The following CSMD1 variants were observed in gnomAD, a reference collection of about 807,000 sequenced individuals.
CSMD1 encodes CUB and Sushi multiple domains 1.
Under a neutral mutation model 417.5 loss-of-function variants are expected in CSMD1, and 213 were observed. The observed-to-expected ratio is 0.51, with a 90% CI of 0.46 to 0.57. The LOEUF (loss-of-function observed/expected upper bound fraction) is 0.57, where lower values mean the gene tolerates loss of function less well. Ranked by LOEUF, CSMD1 falls within the 20% of genes least tolerant of loss-of-function variation. CSMD1 has a pLI of 0.00. For missense variants in CSMD1, 6,923 were observed against 4,529.7 expected, an observed-to-expected ratio of 1.53 and a Z score of -15.17; for synonymous variants, 2,862 against 1,736.8, an observed-to-expected ratio of 1.65 and a Z score of -16.11.
chr8:4,246,120 T>TCAC (rs1482499456), intron 3 of CSMD1, among the ~76,000 whole-genome samples: 5 of 152,178 alleles, frequency 3.3e-5, no homozygotes, highest in Non-Finnish European at 7.3e-5. Context: ...GATTATTTGA[T>TCAC]CACCCAGATA....
intron 5 of CSMD1, among the ~76,000 whole-genome samples, chr8:3,765,314 C>T (rs1383661788): frequency 6.6e-6 from 1 of 152,136 alleles, no homozygotes; most frequent in African/African-American, 2.4e-5. Context: ...TAAATCCTTC[C>T]CAAATTTCCA....
chr8:4,595,371 T>TCGA, intron 2 of CSMD1, among the ~76,000 whole-genome samples: 1 of 93,674 alleles, frequency 1.1e-5, no homozygotes, highest in Admixed American at 1.1e-4. Flanking sequence ...CATTTGTCTA[T>TCGA]TGATGCATTC....
chr8:3,485,116 T>C (rs564468640), intron 11 of CSMD1, among the ~76,000 whole-genome samples: 1 of 152,172 alleles, frequency 6.6e-6, no homozygotes, highest in Non-Finnish European at 1.5e-5. Context: ...TACACAAATG[T>C]CATAGTAGCT....
At chr8:4,889,015 G>C (rs1008198213) in intron 1 of CSMD1, among the ~76,000 whole-genome samples, 20 of 152,104 alleles carry the variant, frequency 1.3e-4, no homozygotes, top group African/African-American at 4.6e-4. Flanking sequence ...ATCACCATTT[G>C]GCAAACACGA....
intron 22 of CSMD1, among the ~76,000 whole-genome samples, chr8:3,344,591 C>G (rs71521844): frequency 3.3e-5 from 5 of 152,168 alleles, no homozygotes; most frequent in Non-Finnish European, 1.5e-5. Context: ...ATTTATTACA[C>G]GATATTGGAA....
At chr8:4,374,384 T>C (rs1802585610) in intron 3 of CSMD1, among the ~76,000 whole-genome samples, 1 of 152,146 alleles carries the variant, frequency 6.6e-6, no homozygotes, top group African/African-American at 2.4e-5. Flanking sequence ...TCAGTAATAA[T>C]AAAAAGAAAG....
intron 5 of CSMD1, among the ~76,000 whole-genome samples, chr8:3,858,882 T>A (rs1431195919): frequency 2.6e-5 from 4 of 152,138 alleles, no homozygotes; most frequent in Admixed American, 2.0e-4. Context: ...AGGTTTATCG[T>A]GACAATGTAA....
chr8:4,423,946 A>T (rs937859399), intron 2 of CSMD1, among the ~76,000 whole-genome samples: 3 of 152,232 alleles, frequency 2.0e-5, no homozygotes, highest in South Asian at 2.1e-4. Context: ...TTTTCAACAG[A>T]TTCAAAAGAA....
intron 7 of CSMD1, among the ~76,000 whole-genome samples, chr8:3,636,152 G>GGGTCAGAA (rs1324171941): frequency 6.6e-6 from 1 of 152,132 alleles, no homozygotes; most frequent in African/African-American, 2.4e-5. Flanking sequence ...CTACAACACA[G>GGGTCAGAA]GGTCAGAATA....
At chr8:3,282,409 G>C (rs1312258789) in intron 26 of CSMD1, among the ~76,000 whole-genome samples, 1 of 152,104 alleles carries the variant, frequency 6.6e-6, no homozygotes, top group African/African-American at 2.4e-5. Context: ...GGAGAATACA[G>C]AATGGAAAGA....
At chr8:3,578,372 G>C (rs149028195) in intron 9 of CSMD1, among the ~76,000 whole-genome samples, 15 of 151,698 alleles carry the variant, frequency 9.9e-5, no homozygotes, top group Middle Eastern at 3.4e-3. Flanking sequence ...TCCTCCCTTA[G>C]AAATCCTCTA....
chr8:3,295,482 C>T (rs1475007910), intron 25 of CSMD1, among the ~76,000 whole-genome samples: 1 of 152,118 alleles, frequency 6.6e-6, no homozygotes, highest in Non-Finnish European at 1.5e-5. Context: ...AAAGGTAGAA[C>T]TTTGTTAATT....
chr8:4,460,189 A>G (rs1441578382), intron 2 of CSMD1, among the ~76,000 whole-genome samples: 2 of 152,202 alleles, frequency 1.3e-5, no homozygotes, highest in Non-Finnish European at 2.9e-5. Flanking sequence ...CAAGAAAATT[A>G]GAATTTGAGA....
intron 12 of CSMD1, among the ~76,000 whole-genome samples, chr8:3,443,871 A>AT (rs1392322621): frequency 6.6e-6 from 1 of 152,150 alleles, no homozygotes. Context: ...TTGCTTTCAA[A>AT]TTTTTCACGT....
rs531750920 is a variant in CSMD1 at position 4,302,714 on chromosome 8, A to AC, written c.415+117238dup. 1.9e-4 allele frequency among the ~76,000 whole-genome samples: 29 copies of AC among 152,258 alleles called. No homozygotes were observed. In the South Asian group the frequency reaches 5.8e-3, roughly 30 times the overall value. On this transcript the variant is annotated intron_variant, in intron 3 of 69. Transcript: ENST00000635120. ...CTGGTGTGTATGTGCCGTGTTTTCA[A>AC]CACTCTTTTCTTCTCATTAAGTCAT...
Position 3,390,263 on chromosome 8 carries a change from G to A in CSMD1, c.2594-2581C>T, listed in dbSNP as rs568655848. Reference sequence around the variant, plus strand: ...CCAGCTACTTGGGAGGCTGAGTCAGGAGAAACGCTTGAACTCAGGAGGCAG... The same window carrying A: ...CCAGCTACTTGGGAGGCTGAGTCAGAAGAAACGCTTGAACTCAGGAGGCAG... On this transcript the variant is annotated intron_variant, in intron 17 of 69. Transcript: ENST00000635120. 1.7e-3 allele frequency among the ~76,000 whole-genome samples: 256 copies of A among 147,092 alleles called. 1 individual carries two copies. Among genetic ancestry groups the A allele is most frequent in the African/African-American group, 6.2e-3 (247 of 39,966 alleles).
At chr8:4,085,645 G>T (rs894456877) in intron 3 of CSMD1, among the ~76,000 whole-genome samples, 3 of 152,126 alleles carry the variant, frequency 2.0e-5, no homozygotes, top group African/African-American at 7.2e-5. Flanking sequence ...AAAAAAACCA[G>T]CCCTAGGTTT....
chr8:4,041,516 G>C (rs1029941588), intron 3 of CSMD1, among the ~76,000 whole-genome samples: 1 of 152,126 alleles, frequency 6.6e-6, no homozygotes, highest in Non-Finnish European at 1.5e-5. Context: ...CCCAGTGAAA[G>C]AATGTTCAAG....
intron 3 of CSMD1, among the ~76,000 whole-genome samples, chr8:4,130,162 C>T (rs899016735): frequency 6.6e-6 from 1 of 152,086 alleles, no homozygotes; most frequent in Non-Finnish European, 1.5e-5. Context: ...GAAAAAGACC[C>T]AACATCTTTT....
Sources: allele counts gnomAD v4.1 joint callset (sites outside exome capture counted in the v4.1 genomes callset), GRCh38; gene constraint gnomAD v4.1.1; transcripts MANE v1.5; gene names NCBI Gene and HGNC (gene_info 2026-07-23, HGNC 2026-07-21).